Variants in TMEM163 observed in about 807,000 individuals in gnomAD.
TMEM163 encodes transmembrane protein 163.
A neutral mutation model predicts 29.3 loss-of-function variants in TMEM163; 17 were observed. The observed-to-expected ratio is 0.58, with a 90% CI of 0.40 to 0.87. The LOEUF (loss-of-function observed/expected upper bound fraction) is 0.87. Ranked by LOEUF, TMEM163 falls within the 40% of genes least tolerant of loss-of-function variation. The probability of loss-of-function intolerance (pLI) is 0.00; values close to 1 mark genes in which losing one functional copy is unlikely to be tolerated. For missense variants in TMEM163, 303 were observed against 381.5 expected (o/e 0.79, Z 1.71); for synonymous variants, 157 against 160.6 (o/e 0.98, Z 0.17).
chr2:134,650,053 A>C (rs1372398460), intron 2 of TMEM163, among the ~76,000 whole-genome samples: 1 of 150,932 alleles, frequency 6.6e-6, no homozygotes, highest in Non-Finnish European at 1.5e-5. Flanking sequence ...ATATTATGGC[A>C]TGCAAAAATG....
intron 2 of TMEM163, among the ~76,000 whole-genome samples, chr2:134,645,153 C>T (rs1411341669): frequency 6.6e-6 from 1 of 152,210 alleles, no homozygotes; most frequent in Non-Finnish European, 1.5e-5. Flanking sequence ...AACTCTTATA[C>T]ATCGCTGGTA....
chr2:134,523,334 C>A (rs774581610), intron 4 of TMEM163, among the ~76,000 whole-genome samples: 4 of 152,126 alleles, frequency 2.6e-5, no homozygotes, highest in Admixed American at 6.5e-5. Flanking sequence ...GGGAATTATT[C>A]ATGAGCTTGT....
At chr2:134,528,483 T>TTA (rs962101546) in intron 4 of TMEM163, among the ~76,000 whole-genome samples, 1 of 152,202 alleles carries the variant, frequency 6.6e-6, no homozygotes, top group Non-Finnish European at 1.5e-5. Context: ...TAAGAGTTTC[T>TTA]TATAACATTG....
intron 4 of TMEM163, among the ~76,000 whole-genome samples, chr2:134,518,433 G>A (rs1030018712): frequency 1.3e-5 from 2 of 152,184 alleles, no homozygotes; most frequent in African/African-American, 4.8e-5. Flanking sequence ...AAGTGCTGGT[G>A]TTTCCACACC....
chr2:134,702,111 A>G (rs1489467452), intron 2 of TMEM163, among the ~76,000 whole-genome samples: 2 of 151,992 alleles, frequency 1.3e-5, no homozygotes, highest in Non-Finnish European at 2.9e-5. Flanking sequence ...CCAACAAAAC[A>G]GTCCAACATG....
At chr2:134,574,392 T>G (rs1681499440) in intron 2 of TMEM163, among the ~76,000 whole-genome samples, 1 of 151,816 alleles carries the variant, frequency 6.6e-6, no homozygotes, top group South Asian at 2.1e-4. Flanking sequence ...AAATCCCATC[T>G]CTACAAAAAA....
At chr2:134,546,487 CAAA>C (rs1165414788) in intron 4 of TMEM163, among the ~76,000 whole-genome samples, 3 of 151,966 alleles carry the variant, frequency 2.0e-5, no homozygotes, top group African/African-American at 4.8e-5. Flanking sequence ...ACTAAAAATA[CAAA>C]AAAATTAGCC....
chr2:134,670,808 T>A (rs1434933480), intron 2 of TMEM163, among the ~76,000 whole-genome samples: 1 of 152,212 alleles, frequency 6.6e-6, no homozygotes, highest in Non-Finnish European at 1.5e-5. Context: ...AACCTTTCCA[T>A]AAAGAGCCAA....
intron 2 of TMEM163, among the ~76,000 whole-genome samples, chr2:134,688,066 A>C (rs1684384243): frequency 6.6e-6 from 1 of 152,158 alleles, no homozygotes; most frequent in Non-Finnish European, 1.5e-5. Context: ...CCGGCCGCTC[A>C]ACACCAAGGC....
chr2:134,606,832 G>T (rs1373362240), intron 2 of TMEM163, among the ~76,000 whole-genome samples: 1 of 152,238 alleles, frequency 6.6e-6, no homozygotes, highest in South Asian at 2.1e-4. Flanking sequence ...CTCTGGATTT[G>T]GTAAACTTTC....
chr2:134,466,913 G>A (rs1339653079), intron 5 of TMEM163: 1 of 152,156 alleles, frequency 6.6e-6, no homozygotes, highest in Admixed American at 6.5e-5. Flanking sequence ...CAGCTCTTCT[G>A]CTTCAAGCTC....
At chr2:134,659,034 T>C (rs1284458496) in intron 2 of TMEM163, among the ~76,000 whole-genome samples, 1 of 152,192 alleles carries the variant, frequency 6.6e-6, no homozygotes, top group Non-Finnish European at 1.5e-5. Flanking sequence ...CCGAGTGTAC[T>C]TACACAGACC....
At chr2:134,696,206 T>C (rs1385715430) in intron 2 of TMEM163, among the ~76,000 whole-genome samples, 1 of 152,206 alleles carries the variant, frequency 6.6e-6, no homozygotes, top group African/African-American at 2.4e-5. Context: ...CCCTCCCTGA[T>C]GTGTGATGCT....
At chr2:134,680,244 A>G (rs943619240) in intron 2 of TMEM163, among the ~76,000 whole-genome samples, 1 of 152,224 alleles carries the variant, frequency 6.6e-6, no homozygotes, top group Admixed American at 6.5e-5. Flanking sequence ...TAAATAATTA[A>G]TTACTATTTT....
At chr2:134,621,689 G>A (rs1200553451) in intron 2 of TMEM163, among the ~76,000 whole-genome samples, 1 of 151,784 alleles carries the variant, frequency 6.6e-6, no homozygotes, top group African/African-American at 2.4e-5. Context: ...AGGAGATCGA[G>A]ACCATCCTGG....
At chr2:134,537,068 C>T (rs1412428656) in intron 4 of TMEM163, among the ~76,000 whole-genome samples, 4 of 152,200 alleles carry the variant, frequency 2.6e-5, no homozygotes, top group African/African-American at 7.2e-5. Context: ...ACCTTGGCCA[C>T]TGTTCTGGTC....
chr2:134,705,209 CAA>C (rs59533911), intron 2 of TMEM163, among the ~76,000 whole-genome samples: 227 of 132,008 alleles, frequency 1.7e-3, no homozygotes, highest in African/African-American at 5.5e-3. Flanking sequence ...GACTCCATCT[CAA>C]AAAAAAAAAA....
chr2:134,550,214 G>T (rs963342347), intron 4 of TMEM163, among the ~76,000 whole-genome samples: 1 of 152,186 alleles, frequency 6.6e-6, no homozygotes, highest in Admixed American at 6.5e-5. Context: ...TTCTGTAAAT[G>T]ACAGTGGAGA....
intron 5 of TMEM163, among the ~76,000 whole-genome samples, chr2:134,488,694 G>A (rs1390942690): frequency 1.3e-5 from 2 of 152,100 alleles, no homozygotes; most frequent in Admixed American, 6.5e-5. Flanking sequence ...TATCCTATTA[G>A]TTCTGTCCCT....
Sources: gnomAD v4.1 joint callset for allele counts (sites outside exome capture counted in the v4.1 genomes callset) on GRCh38, gnomAD v4.1.1 for gene constraint, MANE v1.5 for transcripts, NCBI Gene and HGNC (gene_info 2026-07-23, HGNC 2026-07-21) for gene names.